The following KCND2 variants were observed in gnomAD, a reference collection of about 807,000 sequenced individuals.
KCND2 encodes the protein potassium voltage-gated channel subfamily D member 2, also known as A-type voltage-gated potassium channel KCND2.
KCND2 carries 16 observed loss-of-function variants against 54.4 expected under a neutral mutation model. That is an observed-to-expected ratio of 0.29 (90% CI 0.20 to 0.45). The LOEUF is 0.45. KCND2 is among the 20% of genes least tolerant of loss of function. The pLI is 1.00. For missense variants in KCND2, 486 were observed against 824.2 expected (o/e 0.59, Z 5.02); for synonymous variants, 317 against 310.7 (o/e 1.02, Z -0.21).
chr7:120,702,108 G>GA (rs377237979), intron 1 of KCND2, among the ~76,000 whole-genome samples: 159 of 149,804 alleles, frequency 1.1e-3, no homozygotes, highest in African/African-American at 2.9e-3. Context: ...AAATTTACAA[G>GA]AAAAAAAAAC....
chr7:120,696,044 A>G (rs1467520525), intron 1 of KCND2, among the ~76,000 whole-genome samples: 1 of 152,214 alleles, frequency 6.6e-6, no homozygotes, highest in African/African-American at 2.4e-5. Flanking sequence ...ACTCCTGGGA[A>G]CATCAAACAA....
intron 1 of KCND2, among the ~76,000 whole-genome samples, chr7:120,409,472 C>T (rs1801415528): frequency 6.6e-6 from 1 of 151,830 alleles, no homozygotes; most frequent in Admixed American, 6.6e-5. Flanking sequence ...AGGTGCCAAA[C>T]CACTTTCCCA....
intron 2 of KCND2, among the ~76,000 whole-genome samples, chr7:120,741,228 T>A (rs957395147): frequency 2.6e-5 from 4 of 152,112 alleles, no homozygotes; most frequent in South Asian, 2.1e-4. Flanking sequence ...AAAGTAATAC[T>A]GCTATTTTTA....
At chr7:120,727,583 C>A (rs568047431) in intron 1 of KCND2, among the ~76,000 whole-genome samples, 17 of 152,190 alleles carry the variant, frequency 1.1e-4, no homozygotes, top group African/African-American at 4.1e-4. Context: ...GTCTTCCACC[C>A]AAAATAATCT....
At chr7:120,313,667 T>A (rs1799772150) in intron 1 of KCND2, among the ~76,000 whole-genome samples, 1 of 152,108 alleles carries the variant, frequency 6.6e-6, no homozygotes, top group South Asian at 2.1e-4. Flanking sequence ...AAATTACTTC[T>A]AGTTCTGTCT....
chr7:120,686,165 T>A (rs2116596366), intron 1 of KCND2, among the ~76,000 whole-genome samples: 1 of 152,302 alleles, frequency 6.6e-6, no homozygotes, highest in African/African-American at 2.4e-5. Context: ...GGTAAATGGA[T>A]ATTTAGATTT....
At chr7:120,351,433 C>T (rs754730246) in intron 1 of KCND2, among the ~76,000 whole-genome samples, 1 of 150,848 alleles carries the variant, frequency 6.6e-6, no homozygotes, top group Non-Finnish European at 1.5e-5. Context: ...CTCTCTCTCT[C>T]TCACATTGCA....
chr7:120,630,612 C>A (rs906474744), intron 1 of KCND2, among the ~76,000 whole-genome samples: 1 of 152,058 alleles, frequency 6.6e-6, no homozygotes, highest in African/African-American at 2.4e-5. Context: ...AATCTATAAT[C>A]TATAAATATC....
At chr7:120,670,708 A>G (rs1444669301) in intron 1 of KCND2, among the ~76,000 whole-genome samples, 2 of 152,030 alleles carry the variant, frequency 1.3e-5, no homozygotes, top group African/African-American at 2.4e-5. Flanking sequence ...CGAGGTCAGG[A>G]GATCCAGACC....
rs561171407 is a variant in KCND2, at chr7:120,411,906, C to T, written c.1115+136159C>T. 3.6e-4 allele frequency among the ~76,000 whole-genome samples: 55 copies of T among 151,966 alleles called. 1 individual carries two copies. Among genetic ancestry groups the T allele is most frequent in the African/African-American group, 1.2e-3 (49 of 41,506 alleles). On this transcript the variant is annotated intron_variant, in intron 1 of 5. Coordinates refer to ENST00000331113, the MANE Select transcript of KCND2 (RefSeq NM_012281.3). Reference sequence around the variant, plus strand: ...TCAGTTTACCTAGATAGGACTTTTGCAACTCATGTACCTAATTGCATCTTT... The same window carrying T: ...TCAGTTTACCTAGATAGGACTTTTGTAACTCATGTACCTAATTGCATCTTT...
intron 1 of KCND2, among the ~76,000 whole-genome samples, chr7:120,678,777 T>TATATATATATATATAC (rs1335291654): frequency 8.2e-6 from 1 of 122,520 alleles, no homozygotes; most frequent in African/African-American, 2.9e-5. Flanking sequence ...TATATATATA[T>TATATATATATATATAC]ACACATAAAC....
chr7:120,738,071 A>G (rs1438469801), intron 2 of KCND2, among the ~76,000 whole-genome samples: 4 of 152,022 alleles, frequency 2.6e-5, no homozygotes, highest in African/African-American at 9.7e-5. Context: ...ACTTGGCGTA[A>G]TTAAAAAACA....
At chr7:120,441,769 G>A (rs575062493) in intron 1 of KCND2, among the ~76,000 whole-genome samples, 119 of 152,132 alleles carry the variant, frequency 7.8e-4, no homozygotes, top group African/African-American at 2.7e-3. Flanking sequence ...GTGCTTTAGG[G>A]AATATGCTTA....
At chr7:120,517,948 T>G (rs1197380800) in intron 1 of KCND2, among the ~76,000 whole-genome samples, 2 of 152,176 alleles carry the variant, frequency 1.3e-5, no homozygotes, top group Non-Finnish European at 2.9e-5. Flanking sequence ...TTTTCTTCTC[T>G]GCATTCCCTA....
chr7:120,584,378 T>A (rs1446692015), intron 1 of KCND2, among the ~76,000 whole-genome samples: 4 of 152,252 alleles, frequency 2.6e-5, no homozygotes, highest in Non-Finnish European at 5.9e-5. Flanking sequence ...GTTTCCTTGC[T>A]GCTATCCCTG....
rs187792633 is a variant in KCND2 at position 120,451,726 on chromosome 7, A to G, written c.1115+175979A>G. On this transcript the variant is annotated intron_variant, in intron 1 of 5. Transcript: ENST00000331113. Reference sequence around the variant, plus strand: ...CCTCATCAATTGCCGCACAATCACTACCAATCAATCTGCACTGACCAAGAG... The same window carrying G: ...CCTCATCAATTGCCGCACAATCACTGCCAATCAATCTGCACTGACCAAGAG... Among the ~76,000 whole-genome samples the G allele has an allele frequency of 2.6e-5, 4 of 152,318 alleles. No homozygotes were observed. The East Asian group carries it at 5.8e-4, about 22-fold the overall frequency.
chr7:120,454,376 C>T (rs1439324398), intron 1 of KCND2, among the ~76,000 whole-genome samples: 1 of 152,160 alleles, frequency 6.6e-6, no homozygotes, highest in Non-Finnish European at 1.5e-5. Flanking sequence ...GAGAGATTAC[C>T]TCTGACCCCA....
chr7:120,281,467 T>C (rs1799262396), intron 1 of KCND2, among the ~76,000 whole-genome samples: 1 of 151,262 alleles, frequency 6.6e-6, no homozygotes, highest in Non-Finnish European at 1.5e-5. Context: ...ACCATTTTTG[T>C]GCATATTTGC....
At chr7:120,623,799 T>C (rs933317834) in intron 1 of KCND2, among the ~76,000 whole-genome samples, 1 of 152,192 alleles carries the variant, frequency 6.6e-6, no homozygotes, top group Non-Finnish European at 1.5e-5. Context: ...AACCAGGTCC[T>C]GAAGAATTAC....
Sources: gnomAD v4.1 joint callset for allele counts (sites outside exome capture counted in the v4.1 genomes callset) on GRCh38, gnomAD v4.1.1 for gene constraint, MANE v1.5 for transcripts, NCBI Gene and HGNC (gene_info 2026-07-23, HGNC 2026-07-21) for gene names.